Variants in TOP3A observed in about 807,000 individuals in gnomAD.
TOP3A encodes DNA topoisomerase III alpha, also known as DNA topoisomerase 3-alpha.
In TOP3A, 64 loss-of-function variants were observed where a neutral mutation model predicts 111.3. The observed-to-expected ratio is 0.57, with a 90% confidence interval of 0.47 to 0.71. TOP3A has a LOEUF of 0.71. TOP3A is among the 30% of genes least tolerant of loss of function. The pLI, the probability that TOP3A is intolerant of heterozygous loss-of-function variation, is 0.00. For missense variants in TOP3A, 1,104 were observed against 1,285.0 expected (o/e 0.86, Z 2.15); for synonymous variants, 484 against 485.1 (o/e 1.00, Z 0.03).
In TOP3A at chr17:18,278,291, G is replaced by A. The variant is rs775655859; in HGVS notation, c.2211C>T (p.Ile737=). 9 of 1,525,178 alleles carry A rather than the reference G, an allele frequency of 5.9e-6. No individual in the cohort carries two copies. Among genetic ancestry groups the A allele is most frequent in the East Asian group, 4.5e-5 (2 of 44,012 alleles). 94.5% of individuals were successfully genotyped at this position (1,525,178 alleles called of 1,614,324 possible). ...CCCTCAGGGTGTCGTCGCATCCGCCGATGCAGCAAACAAACTCCAGAGGCA... is the reference window on the plus strand; with the variant it reads ...CCCTCAGGGTGTCGTCGCATCCGCCAATGCAGCAAACAAACTCCAGAGGCA... ...PTMPLEFVCC[I]GGCDDTLREI... The change falls in exon 18 of 19, where the codon ATC becomes ATT. Residue 737 remains isoleucine (I), a synonymous_variant. Coordinates refer to ENST00000321105, the MANE Select transcript of TOP3A (RefSeq NM_004618.5).
intron 5 of TOP3A, chr17:18,303,213 C>A (rs1231512414): frequency 6.5e-6 from 1 of 153,254 alleles, no homozygotes; most frequent in Non-Finnish European, 1.5e-5. Flanking sequence ...TGAAAGTCAT[C>A]GCCATTCTCC....
chr17:18,275,067 C>G, intron 18 of TOP3A, 87 bp from the exon 19 acceptor site: 1 of 1,517,554 alleles, frequency 6.6e-7, no homozygotes, highest in Non-Finnish European at 8.8e-7. Context: ...GCCTGTAATC[C>G]CAGCACTTTA....
At chr17:18,292,075 G>T (rs185838859) in intron 11 of TOP3A, among the ~76,000 whole-genome samples, 1 of 152,182 alleles carries the variant, frequency 6.6e-6, no homozygotes, top group Non-Finnish European at 1.5e-5. Flanking sequence ...AAAAGACTAA[G>T]ATTTCCCCAG....
intron 11 of TOP3A, 112 bp from the exon 12 acceptor site, chr17:18,291,139 C>T: frequency 9.1e-7 from 1 of 1,096,550 alleles, no homozygotes; most frequent in Non-Finnish European, 1.3e-6. Context: ...CACACTGCTC[C>T]TCAGGCCCTG....
At chr17:18,300,163 C>G (rs920037472) in intron 8 of TOP3A, among the ~76,000 whole-genome samples, 2 of 111,634 alleles carry the variant, frequency 1.8e-5, no homozygotes, top group Non-Finnish European at 3.6e-5. Context: ...TTTGGGAGGC[C>G]GAGGCGGGCG....
intron 1 of TOP3A, among the ~76,000 whole-genome samples, chr17:18,311,672 T>C (rs908203926): frequency 3.9e-5 from 6 of 152,244 alleles, no homozygotes; most frequent in South Asian, 2.1e-4. Flanking sequence ...TAACAAAATA[T>C]AATCACTGTC....
chr17:18,296,421 A>G (rs953494951), intron 9 of TOP3A, among the ~76,000 whole-genome samples: 7 of 152,074 alleles, frequency 4.6e-5, no homozygotes, highest in African/African-American at 1.7e-4. Flanking sequence ...CTCTACTAAA[A>G]ATACAAAAAT....
At chr17:18,278,611 A>G (rs1026006061) in intron 17 of TOP3A, among the ~76,000 whole-genome samples, 1 of 152,156 alleles carries the variant, frequency 6.6e-6, no homozygotes, top group African/African-American at 2.4e-5. Context: ...CACCTCTGAG[A>G]AGTCCCATGT....
At chr17:18,275,460 C>T (rs915536300) in intron 18 of TOP3A, among the ~76,000 whole-genome samples, 15 of 149,882 alleles carry the variant, frequency 1.0e-4, no homozygotes, top group Non-Finnish European at 2.2e-4. Flanking sequence ...CCCGGGTTCA[C>T]GCCATTCTCC....
intron 8 of TOP3A, among the ~76,000 whole-genome samples, chr17:18,301,000 A>AT (rs1981192570): frequency 6.6e-6 from 1 of 152,224 alleles, no homozygotes; most frequent in Non-Finnish European, 1.5e-5. Context: ...CTTCAGAGGC[A>AT]TTATTAGGAT....
At position 18,276,042 on chromosome 17, in the gene TOP3A, T is replaced by C. The variant is rs537329434; in HGVS notation, c.2828-1062A>G. Among the ~76,000 whole-genome samples the C allele has an allele frequency of 3.9e-5, 6 of 152,312 alleles. No homozygotes were observed. The East Asian group carries it at 9.6e-4, about 24-fold the overall frequency. On this transcript the variant is annotated intron_variant, in intron 18 of 18. Transcript: ENST00000321105. ...CCAACTCTGTAAGGTTGAGGTGCGA[T>C]GTGCCTGCTGCCTTATGTTACCTGA...
At chr17:18,297,943 T>C (rs1980939554) in intron 9 of TOP3A, among the ~76,000 whole-genome samples, 1 of 138,404 alleles carries the variant, frequency 7.2e-6, no homozygotes. Flanking sequence ...GTGAGGAGCG[T>C]CTCTGCCCGG....
At chr17:18,299,099 C>T (rs980893737) in intron 9 of TOP3A, among the ~76,000 whole-genome samples, 1 of 149,724 alleles carries the variant, frequency 6.7e-6, no homozygotes, top group Non-Finnish European at 1.5e-5. Flanking sequence ...AAGAGCAAAA[C>T]TCCATCTCAA....
rs1979007509 is a variant in TOP3A at position 18,271,737 on chromosome 17, T to TCAA, written c.*3062_*3064dup. The TCAA allele has an allele frequency of 1.4e-5, 6 of 441,480 alleles. No homozygotes were observed. Among genetic ancestry groups the TCAA allele is most frequent in the South Asian group, 9.7e-5 (6 of 61,758 alleles). 27.3% of individuals were successfully genotyped at this position (441,480 alleles called of 1,614,324 possible). Reference sequence around the variant, plus strand: ...AGAAACTATTAAGAACTCCTACAACTCAACAACAAAGACAGACAACACAAT... The same window carrying TCAA: ...AGAAACTATTAAGAACTCCTACAACTCAACAACAACAAAGACAGACAACACAAT... On this transcript the variant is annotated 3_prime_UTR_variant, in exon 19 of 19. Coordinates refer to ENST00000321105, the MANE Select transcript of TOP3A (RefSeq NM_004618.5).
At position 18,282,814 on chromosome 17, in the gene TOP3A, A is replaced by G. The variant is rs1253930993; in HGVS notation, c.1905T>C (p.Phe635=). 2 of 1,614,062 alleles carry G rather than the reference A, an allele frequency of 1.2e-6. No homozygotes were observed. Among genetic ancestry groups the G allele is most frequent in the South Asian group, 2.2e-5 (2 of 91,086 alleles). The change falls in exon 16 of 19, where the codon TTT becomes TTC. Residue 635 remains phenylalanine (F), a synonymous_variant. Coordinates refer to ENST00000321105, the MANE Select transcript of TOP3A (RefSeq NM_004618.5). ...GCTGGGCCAACTCTGTCCCATTCCCAAAGTACTGGGCCAAGGCCTCGTCCA... is the reference window on the plus strand; with the variant it reads ...GCTGGGCCAACTCTGTCCCATTCCCGAAGTACTGGGCCAAGGCCTCGTCCA... ...KKLDEALAQY[F]GNGTELAQQE...
chr17:18,309,636 T>A (rs1354473887), intron 1 of TOP3A, among the ~76,000 whole-genome samples: 1 of 151,502 alleles, frequency 6.6e-6, no homozygotes, highest in Non-Finnish European at 1.5e-5. Flanking sequence ...AGAGCGAGAC[T>A]GTCTCAAAAA....
rs1378395904 is a variant in TOP3A, at chr17:18,301,856, A to T, written c.915+29T>A. Reference sequence around the variant, plus strand: ...GGGAGTGGTTTGGGAGGTGTGCAGAATGTTTCCTAGATCATTAGGGGTTCT... The same window carrying T: ...GGGAGTGGTTTGGGAGGTGTGCAGATTGTTTCCTAGATCATTAGGGGTTCT... On this transcript the variant is annotated intron_variant, in intron 8 of 18. Coordinates refer to ENST00000321105, the MANE Select transcript of TOP3A (RefSeq NM_004618.5). The T allele has an allele frequency of 1.9e-6, 3 of 1,584,148 alleles. No homozygotes were observed. In the South Asian group the frequency reaches 3.3e-5, roughly 18 times the overall value.
At chr17:18,283,013 T>G (rs1216033096) in intron 15 of TOP3A, among the ~76,000 whole-genome samples, 172 bp from the exon 16 acceptor site, 1 of 152,168 alleles carries the variant, frequency 6.6e-6, no homozygotes, top group African/African-American at 2.4e-5. Flanking sequence ...CCATGGGCCC[T>G]GGTGCCGAAC....
At chr17:18,297,343 T>C (rs568783769) in intron 9 of TOP3A, among the ~76,000 whole-genome samples, 1 of 152,330 alleles carries the variant, frequency 6.6e-6, no homozygotes, top group East Asian at 1.9e-4. Context: ...GAGAATCACT[T>C]GAACCCGGGA....
Sources: gnomAD v4.1 joint callset for allele counts (sites outside exome capture counted in the v4.1 genomes callset) on GRCh38, gnomAD v4.1.1 for gene constraint, MANE v1.5 for transcripts, NCBI Gene and HGNC (gene_info 2026-07-23, HGNC 2026-07-21) for gene names.